LPP: variants seen among roughly 807,000 people sequenced by gnomAD.
The protein encoded by LPP is lipoma-preferred partner.
A neutral mutation model predicts 60.4 loss-of-function variants in LPP; 38 were observed. The ratio of observed to expected loss-of-function variants is 0.63; its 90% CI spans 0.49 to 0.83. The LOEUF (loss-of-function observed/expected upper bound fraction) is 0.83. LPP is among the 40% of genes least tolerant of loss of function. The probability of loss-of-function intolerance (pLI) is 0.00; values close to 1 mark genes in which losing one functional copy is unlikely to be tolerated. For missense variants in LPP, 902 were observed against 783.6 expected, an observed-to-expected ratio of 1.15 and a Z score of -1.80; for synonymous variants, 328 against 290.8, an observed-to-expected ratio of 1.13 and a Z score of -1.30.
At position 188,875,686 on chromosome 3, in the gene LPP, A is replaced by G; in HGVS notation, c.*1207A>G. 1 of 203,302 alleles carries G rather than the reference A, an allele frequency of 4.9e-6. No individual in the cohort carries two copies. Among genetic ancestry groups the G allele is most frequent in the Non-Finnish European group, 1.0e-5 (1 of 98,798 alleles). The allele number at this position is 203,302 out of a possible 1,614,324, so 12.6% of individuals were successfully genotyped here. ...ATATCATCAATGTGACATTTACACC[A>G]CACTTTCAAAGACAATCACTGAAAC... On this transcript the variant is annotated 3_prime_UTR_variant, in exon 12 of 12. Coordinates refer to ENST00000617246, the MANE Select transcript of LPP (RefSeq NM_001375462.1).
At chr3:188,730,714 G>A (rs1720140978) in intron 8 of LPP, among the ~76,000 whole-genome samples, 2 of 152,176 alleles carry the variant, frequency 1.3e-5, no homozygotes, top group South Asian at 4.1e-4. Context: ...TCTGTGATCT[G>A]ACAGTTCTGT....
At chr3:188,162,890 T>TG (rs1718733244) in intron 1 of LPP, among the ~76,000 whole-genome samples, 1 of 152,214 alleles carries the variant, frequency 6.6e-6, no homozygotes, top group Non-Finnish European at 1.5e-5. Context: ...GTTGTGCTGT[T>TG]TAATACAGGG....
Position 188,352,554 on chromosome 3 carries a change from A to C in LPP, c.-10+10835A>C, listed in dbSNP as rs1766195091. Among the ~76,000 whole-genome samples, 1 of 152,218 alleles carries C rather than the reference A, an allele frequency of 6.6e-6. No homozygotes were observed. Among genetic ancestry groups the C allele is most frequent in the African/African-American group, 2.4e-5 (1 of 41,454 alleles). On this transcript the variant is annotated intron_variant, in intron 3 of 11. Coordinates refer to ENST00000617246, the MANE Select transcript of LPP (RefSeq NM_001375462.1). This position sits in a 1 kb window ranked among gnomAD's most constrained non-coding sequence, Gnocchi z 4.4. ...AGACATTGAATGTTTAGGAGCAAGA[A>C]GGGCTTGTGAATATCCCGTACTCTC...
chr3:188,300,534 G>T (rs1326493797), intron 2 of LPP, among the ~76,000 whole-genome samples: 1 of 150,046 alleles, frequency 6.7e-6, no homozygotes, highest in African/African-American at 2.5e-5. Flanking sequence ...TATTGAATTG[G>T]AGTTTAGCAG....
chr3:188,573,826 C>T (rs1189558389), intron 6 of LPP, among the ~76,000 whole-genome samples: 1 of 151,970 alleles, frequency 6.6e-6, no homozygotes, highest in Non-Finnish European at 1.5e-5. Flanking sequence ...AATTGAAGGG[C>T]TTCAACTGGA....
At chr3:188,349,549 C>G (rs1765289775) in intron 3 of LPP, among the ~76,000 whole-genome samples, 1 of 152,208 alleles carries the variant, frequency 6.6e-6, no homozygotes, top group Admixed American at 6.5e-5. Context: ...ACAGCGCTGT[C>G]TCATCAATCT....
chr3:188,825,960 C>G (rs1755373498), intron 9 of LPP, among the ~76,000 whole-genome samples: 1 of 152,102 alleles, frequency 6.6e-6, no homozygotes, highest in South Asian at 2.1e-4. Context: ...TTTCTGTCTA[C>G]CAAGGATACC....
chr3:188,575,309 T>A (rs1277453559), intron 6 of LPP, among the ~76,000 whole-genome samples: 1 of 152,192 alleles, frequency 6.6e-6, no homozygotes, highest in African/African-American at 2.4e-5. Flanking sequence ...GTTTTCCTAG[T>A]CTCTGAATGT....
chr3:188,759,041 A>G (rs562962844), intron 8 of LPP, among the ~76,000 whole-genome samples: 1 of 152,246 alleles, frequency 6.6e-6, no homozygotes, highest in Non-Finnish European at 1.5e-5. Context: ...ATTATTAGAT[A>G]GAATTTTTTT....
At chr3:188,212,428 AT>A (rs893174837) in intron 1 of LPP, among the ~76,000 whole-genome samples, 1 of 152,054 alleles carries the variant, frequency 6.6e-6, no homozygotes, top group Admixed American at 6.5e-5. Flanking sequence ...GCGGTTAATA[AT>A]TTACTCCGAG....
chr3:188,720,190 C>T (rs759732094), intron 8 of LPP, among the ~76,000 whole-genome samples: 1 of 152,174 alleles, frequency 6.6e-6, no homozygotes, highest in African/African-American at 2.4e-5. Context: ...AGATTACAGG[C>T]GTGAGCCACT....
chr3:188,781,462 A>G (rs1739624200), intron 9 of LPP, among the ~76,000 whole-genome samples: 1 of 152,156 alleles, frequency 6.6e-6, no homozygotes, highest in African/African-American at 2.4e-5. Flanking sequence ...AAGAGGTTTA[A>G]TTGGCTCACA....
chr3:188,363,630 A>C (rs1770188449), intron 3 of LPP, among the ~76,000 whole-genome samples: 1 of 152,008 alleles, frequency 6.6e-6, no homozygotes, highest in Admixed American at 6.6e-5. Context: ...TCCTGGGCTG[A>C]GCGCAGTGGC....
rs568983457 is a variant in LPP, at chr3:188,423,370, A to T, written c.193+17057A>T. Among the ~76,000 whole-genome samples the T allele has an allele frequency of 2.8e-4, 43 of 152,292 alleles. 1 individual carries two copies. The South Asian group carries it at 8.9e-3, about 32-fold the overall frequency. ...TTGTTGGGCATTTGGATTGGTTCCAAATCTTTGCTATTGTGAATAGTGCTG... is the reference window on the plus strand; with the variant it reads ...TTGTTGGGCATTTGGATTGGTTCCATATCTTTGCTATTGTGAATAGTGCTG... On this transcript the variant is annotated intron_variant, in intron 4 of 11. Transcript: ENST00000617246.
chr3:188,205,877 C>A (rs533541690), intron 1 of LPP, among the ~76,000 whole-genome samples: 1 of 152,324 alleles, frequency 6.6e-6, no homozygotes, highest in South Asian at 2.1e-4. Flanking sequence ...AGGAAGGGGA[C>A]CGCTAGAGCC....
At chr3:188,296,904 C>T (rs1748093587) in intron 2 of LPP, among the ~76,000 whole-genome samples, 1 of 152,064 alleles carries the variant, frequency 6.6e-6, no homozygotes, top group South Asian at 2.1e-4. Flanking sequence ...TTGGGTAACT[C>T]TCTGCCTCCT....
chr3:188,607,929 C>CT (rs1042562229), intron 6 of LPP, among the ~76,000 whole-genome samples: 1 of 151,926 alleles, frequency 6.6e-6, no homozygotes, highest in African/African-American at 2.4e-5. Context: ...TGTAGCAATC[C>CT]TTTTTTTATG....
At chr3:188,487,802 C>A (rs1036374632) in intron 5 of LPP, among the ~76,000 whole-genome samples, 1 of 152,088 alleles carries the variant, frequency 6.6e-6, no homozygotes, top group Non-Finnish European at 1.5e-5. Context: ...CTCATGTTCC[C>A]AAGTCCAAAT....
In LPP at chr3:188,730,073, A is replaced by C. The variant is rs541131969; in HGVS notation, c.1240+21680A>C. On this transcript the variant is annotated intron_variant, in intron 8 of 11. Coordinates refer to ENST00000617246, the MANE Select transcript of LPP (RefSeq NM_001375462.1). ...ATGTTTTAAAAGTACATATATACACACATATAGATTTAAAGATTACTTTCA... is the reference window on the plus strand; with the variant it reads ...ATGTTTTAAAAGTACATATATACACCCATATAGATTTAAAGATTACTTTCA... 3.3e-5 allele frequency among the ~76,000 whole-genome samples: 5 copies of C among 152,350 alleles called. No homozygotes were observed. In the South Asian group the frequency reaches 1.0e-3, roughly 32 times the overall value.
Sources: allele counts gnomAD v4.1 joint callset (sites outside exome capture counted in the v4.1 genomes callset), GRCh38; gene constraint gnomAD v4.1.1; non-coding constraint Gnocchi (gnomAD v3.1); transcripts MANE v1.5; gene names NCBI Gene and HGNC (gene_info 2026-07-23, HGNC 2026-07-21).